HBA1: variants seen among roughly 807,000 people sequenced by gnomAD.
The protein encoded by HBA1 is hemoglobin subunit alpha 1.
A neutral mutation model predicts 7.8 loss-of-function variants in HBA1; 3 were observed. The ratio of observed to expected loss-of-function variants is 0.38; its 90% confidence interval spans 0.17 to 0.99. HBA1 has a LOEUF of 0.99. Ranked by LOEUF, HBA1 falls within the 50% of genes least tolerant of loss-of-function variation. The pLI is 0.38. For missense variants in HBA1, 67 were observed against 194.6 expected (o/e 0.34, Z 3.90); for synonymous variants, 32 against 91.8 (o/e 0.35, Z 3.72).
Position 177,506 on chromosome 16 carries a change from A to C in HBA1, c.*95A>C. ...CCGTACCCCCGTGGTCTTTGAATAAAGTCTGAGTGGGCGGCAGCCTGTGTG... is the reference window on the plus strand; with the variant it reads ...CCGTACCCCCGTGGTCTTTGAATAACGTCTGAGTGGGCGGCAGCCTGTGTG... On this transcript the variant is annotated 3_prime_UTR_variant, in exon 3 of 3. Coordinates refer to ENST00000320868, the MANE Select transcript of HBA1 (RefSeq NM_000558.5). 6.7e-7 allele frequency: 1 copy of C among 1,494,394 alleles called. No homozygotes were observed. The highest frequency in any genetic ancestry group is 9.2e-7 in the Non-Finnish European group (1 of 1,092,426). 92.6% of individuals were successfully genotyped at this position (1,494,394 alleles called of 1,614,324 possible). A position where few individuals can be genotyped will look rare whatever the true frequency, so the allele number is the denominator to read the frequency against.
At position 177,271 on chromosome 16, in the gene HBA1, T is replaced by A. The variant is rs762508461; in HGVS notation, c.301-12T>A. 1.9e-6 allele frequency: 3 copies of A among 1,613,230 alleles called. No homozygotes were observed. In the Admixed American group the frequency reaches 5.0e-5, roughly 27 times the overall value. ...TGGGCCCTCGGCCCCACTGACCCTC[T>A]TCTCTGCACAGCTCCTAAGCCACTG... On this transcript the variant is annotated splice_polypyrimidine_tract_variant and intron_variant, in intron 2 of 2. Transcript: ENST00000320868.
Position 177,464 on chromosome 16 carries a change from T to A in HBA1, c.*53T>A. The A allele has an allele frequency of 6.3e-7, 1 of 1,584,480 alleles. No individual in the cohort carries two copies. The highest frequency in any genetic ancestry group is 8.6e-7 in the Non-Finnish European group (1 of 1,161,988). On this transcript the variant is annotated 3_prime_UTR_variant, in exon 3 of 3. Transcript: ENST00000320868. ...GCCCCTTGGGCCTCCCCCCAGCCCC[T>A]CCTCCCCTTCCTGCACCCGTACCCC... is the stretch of plus-strand genomic sequence containing the variant.
chr16:177,309 C>T lies in HBA1; in HGVS notation c.327C>T (p.Thr109=). Residue 109 remains threonine, a synonymous_variant, in exon 3 of 3, where the codon ACC becomes ACT. Coordinates refer to ENST00000320868, the MANE Select transcript of HBA1 (RefSeq NM_000558.5). ...FKLLSHCLLV[T]LAAHLPAEFT... Reference sequence around the variant, plus strand: ...TCCTAAGCCACTGCCTGCTGGTGACCCTGGCCGCCCACCTCCCCGCCGAGT... The same window carrying T: ...TCCTAAGCCACTGCCTGCTGGTGACTCTGGCCGCCCACCTCCCCGCCGAGT... 6.2e-7 allele frequency: 1 copy of T among 1,613,356 alleles called. No homozygotes were observed. The highest frequency in any genetic ancestry group is 8.5e-7 in the Non-Finnish European group (1 of 1,179,902).
chr16:177,302 T>G lies in HBA1; in HGVS notation c.320T>G (p.Leu107Arg). Residue 107 changes from leucine (L) to arginine (R), a missense_variant, in exon 3 of 3, where the codon CTG (leucine) becomes CGG (arginine). By Grantham distance (102) the Leu-to-Arg change is moderately radical. Around this residue, in one of 2 missense-constraint regions of HBA1, gnomAD observed 58 missense variants for 91.9 expected, o/e 0.63. Transcript: ENST00000320868. ...VNFKLLSHCL[L>R]VTLAAHLPAE... ...GCACAGCTCCTAAGCCACTGCCTGC[T>G]GGTGACCCTGGCCGCCCACCTCCCC... 6.2e-7 allele frequency: 1 copy of G among 1,613,378 alleles called. No individual in the cohort carries two copies. Among genetic ancestry groups the G allele is most frequent in the Non-Finnish European group, 8.5e-7 (1 of 1,179,914 alleles).
At position 177,089 on chromosome 16, in the gene HBA1, G is replaced by A. The variant is rs33915947; in HGVS notation, c.256G>A (p.Asp86Asn). 7.1e-6 allele frequency: 11 copies of A among 1,550,296 alleles called. No individual in the cohort carries two copies. Among genetic ancestry groups the A allele is most frequent in the Non-Finnish European group, 9.6e-6 (11 of 1,150,390 alleles). ...DMPNALSALS[D>N]LHAHKLRVDP... ...GCCCAACGCGCTGTCCGCCCTGAGC[G>A]ACCTGCACGCGCACAAGCTTCGGGT... The change falls in exon 2 of 3, where the codon GAC becomes AAC. Residue 86 changes from aspartate (D) to asparagine (N), a missense_variant. This residue lies in a region of HBA1 where 58 missense variants were observed against 91.9 expected (regional missense o/e 0.63). Coordinates refer to ENST00000320868, the MANE Select transcript of HBA1 (RefSeq NM_000558.5).
intron 2 of HBA1, 68 bp downstream of exon 2, chr16:177,201 T>A: frequency 6.2e-7 from 1 of 1,612,174 alleles, no homozygotes; most frequent in Non-Finnish European, 8.5e-7. Flanking sequence ...GGGCAGAGGA[T>A]CACGCGGGTT....
chr16:177,473 T>TCCTGCAC lies in HBA1; in HGVS notation c.*65_*71dup. On this transcript the variant is annotated 3_prime_UTR_variant, in exon 3 of 3. Coordinates refer to ENST00000320868, the MANE Select transcript of HBA1 (RefSeq NM_000558.5). ...GCCTCCCCCCAGCCCCTCCTCCCCT[T>TCCTGCAC]CCTGCACCCGTACCCCCGTGGTCTT... The TCCTGCAC allele has an allele frequency of 7.6e-6, 12 of 1,578,936 alleles. No individual in the cohort carries two copies. Among genetic ancestry groups the TCCTGCAC allele is most frequent in the Non-Finnish European group, 1.0e-5 (12 of 1,158,632 alleles).
chr16:177,281 A>G lies in HBA1; in HGVS notation c.301-2A>G. ...GCCCCACTGACCCTCTTCTCTGCAC[A>G]GCTCCTAAGCCACTGCCTGCTGGTG... is the stretch of plus-strand genomic sequence containing the variant. On this transcript the variant is annotated splice_acceptor_variant, in intron 2 of 2. Coordinates refer to ENST00000320868, the MANE Select transcript of HBA1 (RefSeq NM_000558.5). LOFTEE classifies it high-confidence loss of function. The G allele has an allele frequency of 6.2e-7, 1 of 1,613,288 alleles. No individual in the cohort carries two copies. Among genetic ancestry groups the G allele is most frequent in the South Asian group, 1.1e-5 (1 of 91,052 alleles).
In HBA1 at chr16:177,483, G is replaced by C; in HGVS notation, c.*72G>C. ...AGCCCCTCCTCCCCTTCCTGCACCC[G>C]TACCCCCGTGGTCTTTGAATAAAGT... On this transcript the variant is annotated 3_prime_UTR_variant, in exon 3 of 3. Transcript: ENST00000320868. 6.4e-7 allele frequency: 1 copy of C among 1,551,712 alleles called. No homozygotes were observed. The highest frequency in any genetic ancestry group is 8.8e-7 in the Non-Finnish European group (1 of 1,139,148).
rs63749948 is a variant in HBA1, at chr16:177,314, C to A, written c.332C>A (p.Ala111Asp). The part of the protein sequence containing the change: ...LLSHCLLVTL[A>D]AHLPAEFTPA... ...AGCCACTGCCTGCTGGTGACCCTGG[C>A]CGCCCACCTCCCCGCCGAGTTCACC... is the stretch of plus-strand genomic sequence containing the variant. Residue 111 changes from alanine to aspartate, a missense_variant, in exon 3 of 3, where the codon GCC becomes GAC. Ala to Asp is a moderately radical substitution (Grantham distance 126). Coordinates refer to ENST00000320868, the MANE Select transcript of HBA1 (RefSeq NM_000558.5). The A allele has an allele frequency of 1.2e-6, 2 of 1,613,118 alleles. No individual in the cohort carries two copies. Among genetic ancestry groups the A allele is most frequent in the African/African-American group, 1.3e-5 (1 of 75,050 alleles).
rs63751008 is a variant in HBA1, at chr16:177,346, G to A, written c.364G>A (p.Val122Met). 10 of 1,613,284 alleles carry A rather than the reference G, an allele frequency of 6.2e-6. No individual in the cohort carries two copies. In the East Asian group the frequency reaches 2.0e-4, roughly 32 times the overall value. Reference protein sequence around the residue: ...AHLPAEFTPAVHASLDKFLAS... With the variant: ...AHLPAEFTPAMHASLDKFLAS... The stretch of plus-strand genomic sequence containing the variant: ...CCTCCCCGCCGAGTTCACCCCTGCG[G>A]TGCACGCCTCCCTGGACAAGTTCCT... Residue 122 changes from valine to methionine, a missense_variant, in exon 3 of 3, where the codon GTG becomes ATG. By Grantham distance (21) the Val-to-Met change is conservative (BLOSUM62 1). This residue lies in a region of HBA1 where 58 missense variants were observed against 91.9 expected (regional missense o/e 0.63). Coordinates refer to ENST00000320868, the MANE Select transcript of HBA1 (RefSeq NM_000558.5).
intron 2 of HBA1, 73 bp downstream of exon 2, chr16:177,206 C>G: frequency 1.2e-6 from 2 of 1,612,092 alleles, no homozygotes; most frequent in Non-Finnish European, 1.7e-6. Context: ...GAGGATCACG[C>G]GGGTTGCGGG....
rs34879587 is a variant in HBA1, at chr16:177,081, C to T, written c.248C>T (p.Ala83Val). 1 of 1,541,872 alleles carries T rather than the reference C, an allele frequency of 6.5e-7. No individual in the cohort carries two copies. Among genetic ancestry groups the T allele is most frequent in the South Asian group, 1.2e-5 (1 of 86,500 alleles). ...HVDDMPNALS[A>V]LSDLHAHKLR... ...GACGACATGCCCAACGCGCTGTCCG[C>T]CCTGAGCGACCTGCACGCGCACAAG... Residue 83 changes from alanine to valine, a missense_variant, in exon 2 of 3, where the codon GCC becomes GTC. Physicochemically the swap from Ala to Val is moderately conservative, Grantham distance 64 (BLOSUM62 0). This residue lies in a region of HBA1 where 58 missense variants were observed against 91.9 expected (regional missense o/e 0.63). Coordinates refer to ENST00000320868, the MANE Select transcript of HBA1 (RefSeq NM_000558.5).
chr16:177,282 G>A lies in HBA1; in HGVS notation c.301-1G>A. On this transcript the variant is annotated splice_acceptor_variant, in intron 2 of 2. Coordinates refer to ENST00000320868, the MANE Select transcript of HBA1 (RefSeq NM_000558.5). LOFTEE classifies it high-confidence loss of function. Reference sequence around the variant, plus strand: ...CCCCACTGACCCTCTTCTCTGCACAGCTCCTAAGCCACTGCCTGCTGGTGA... The same window carrying A: ...CCCCACTGACCCTCTTCTCTGCACAACTCCTAAGCCACTGCCTGCTGGTGA... 6.2e-7 allele frequency: 1 copy of A among 1,613,346 alleles called. No individual in the cohort carries two copies. The highest frequency in any genetic ancestry group is 8.5e-7 in the Non-Finnish European group (1 of 1,179,964).
At chr16:177,258 C>A in intron 2 of HBA1, 25 bp from the exon 3 acceptor site, 1 of 1,612,262 alleles carries the variant, frequency 6.2e-7, no homozygotes, top group Non-Finnish European at 8.5e-7. Flanking sequence ...GGCCCTCGGC[C>A]CCACTGACCC....
chr16:177,520 G>A lies in HBA1; in HGVS notation c.*109G>A. On this transcript the variant is annotated 3_prime_UTR_variant, in exon 3 of 3. Transcript: ENST00000320868. ...TCTTTGAATAAAGTCTGAGTGGGCG[G>A]CAGCCTGTGTGTGCCTGAGTTTTTT... 1.4e-6 allele frequency: 2 copies of A among 1,429,638 alleles called. No homozygotes were observed. Among genetic ancestry groups the A allele is most frequent in the Non-Finnish European group, 1.9e-6 (2 of 1,035,788 alleles). The allele number at this position is 1,429,638 out of a possible 1,614,324, so 88.6% of individuals were successfully genotyped here. A position where few individuals can be genotyped will look rare whatever the true frequency, so the allele number is the denominator to read the frequency against.
rs1902175061 is a variant in HBA1, at chr16:177,451, T to TC, written c.*46dup. 1 of 1,605,466 alleles carries TC rather than the reference T, an allele frequency of 6.2e-7. No homozygotes were observed. Among genetic ancestry groups the TC allele is most frequent in the African/African-American group, 1.3e-5 (1 of 74,868 alleles). On this transcript the variant is annotated 3_prime_UTR_variant, in exon 3 of 3. Coordinates refer to ENST00000320868, the MANE Select transcript of HBA1 (RefSeq NM_000558.5). The stretch of plus-strand genomic sequence containing the variant: ...GGCCATGCTTCTTGCCCCTTGGGCC[T>TC]CCCCCCAGCCCCTCCTCCCCTTCCT...
rs1161288029 is a variant in HBA1, at chr16:177,367, T to G, written c.385T>G (p.Phe129Val). 5 of 1,613,676 alleles carry G rather than the reference T, an allele frequency of 3.1e-6. No homozygotes were observed. The highest frequency in any genetic ancestry group is 4.2e-6 in the Non-Finnish European group (5 of 1,179,940). Reference sequence around the variant, plus strand: ...TGCGGTGCACGCCTCCCTGGACAAGTTCCTGGCTTCTGTGAGCACCGTGCT... The same window carrying G: ...TGCGGTGCACGCCTCCCTGGACAAGGTCCTGGCTTCTGTGAGCACCGTGCT... ...TPAVHASLDKFLASVSTVLTS... is the reference protein window; with the variant it reads ...TPAVHASLDKVLASVSTVLTS... Residue 129 changes from phenylalanine to valine, a missense_variant, in exon 3 of 3, where the codon TTC becomes GTC. Phe to Val is a conservative substitution (Grantham distance 50). Around this residue, in one of 2 missense-constraint regions of HBA1, gnomAD observed 58 missense variants for 91.9 expected, o/e 0.63. Transcript: ENST00000320868.
At chr16:177,232 G>C (rs773103482) in intron 2 of HBA1, 51 bp from the exon 3 acceptor site, 3 of 1,612,284 alleles carry the variant, frequency 1.9e-6, no homozygotes, top group African/African-American at 1.3e-5. Context: ...TAGCGCAGGC[G>C]GCGGCTGCGG....
Sources: gnomAD v4.1 joint callset for allele counts on GRCh38, gnomAD v4.1.1 for gene constraint, gnomAD v4.1.1 regional missense constraint, MANE v1.5 for transcripts, NCBI Gene and HGNC (gene_info 2026-07-23, HGNC 2026-07-21) for gene names.